OPCML: variants seen among roughly 807,000 people sequenced by gnomAD.
OPCML encodes the protein opioid binding protein/cell adhesion molecule like.
In OPCML, 13 loss-of-function variants were observed where a neutral mutation model predicts 37.8. The observed-to-expected ratio is 0.34, with a 90% CI of 0.22 to 0.55. OPCML has a LOEUF of 0.55. Among genes scored for constraint, OPCML ranks in the 20% least tolerant of loss-of-function variants. OPCML has a pLI of 0.91. For missense variants in OPCML, 341 were observed against 435.6 expected, an observed-to-expected ratio of 0.78 and a Z score of 1.93; for synonymous variants, 176 against 168.8, an observed-to-expected ratio of 1.04 and a Z score of -0.33.
At chr11:133,271,139 C>T (rs1248488409) in intron 1 of OPCML, among the ~76,000 whole-genome samples, 1 of 152,174 alleles carries the variant, frequency 6.6e-6, no homozygotes, top group Non-Finnish European at 1.5e-5. Flanking sequence ...GTTGTATACC[C>T]TTTGTGCGTC....
intron 1 of OPCML, among the ~76,000 whole-genome samples, chr11:133,122,277 C>A (rs1481193187): frequency 6.6e-6 from 1 of 152,104 alleles, no homozygotes; most frequent in Non-Finnish European, 1.5e-5. Flanking sequence ...GCTGGTTGCC[C>A]AACCTTGGGA....
chr11:133,201,895 T>G (rs138178653), intron 1 of OPCML, among the ~76,000 whole-genome samples: 89 of 152,336 alleles, frequency 5.8e-4, no homozygotes, highest in South Asian at 4.8e-3. Flanking sequence ...TTTCATGCCA[T>G]CCATTCATTC....
intron 4 of OPCML, among the ~76,000 whole-genome samples, chr11:132,480,701 T>C (rs956416140): frequency 2.0e-5 from 3 of 151,656 alleles, no homozygotes; most frequent in Non-Finnish European, 2.9e-5. Flanking sequence ...CAGAAGAGAG[T>C]GGGGACCAAT....
intron 4 of OPCML, among the ~76,000 whole-genome samples, chr11:132,488,920 G>A (rs967576203): frequency 1.3e-5 from 2 of 152,106 alleles, no homozygotes; most frequent in Non-Finnish European, 2.9e-5. Flanking sequence ...GAGCAGAAGC[G>A]ACAAGAACGA....
At chr11:133,071,763 A>AAAAC (rs561225941) in intron 1 of OPCML, among the ~76,000 whole-genome samples, 2 of 152,176 alleles carry the variant, frequency 1.3e-5, no homozygotes, top group East Asian at 3.8e-4. Context: ...GTCTTCTCCA[A>AAAAC]AAACAAACAA....
At chr11:132,767,622 G>C (rs927482707) in intron 2 of OPCML, among the ~76,000 whole-genome samples, 2 of 152,110 alleles carry the variant, frequency 1.3e-5, no homozygotes, top group African/African-American at 4.8e-5. Context: ...TTTACTAGTT[G>C]AGCCATATGC....
intron 3 of OPCML, among the ~76,000 whole-genome samples, chr11:132,586,505 T>G (rs546400705): frequency 9.8e-5 from 15 of 152,344 alleles, no homozygotes; most frequent in Admixed American, 3.9e-4. Flanking sequence ...ATATAGTGAA[T>G]GCATCCTTTT....
intron 1 of OPCML, among the ~76,000 whole-genome samples, chr11:133,477,472 C>T (rs1048190590): frequency 2.0e-5 from 3 of 152,206 alleles, no homozygotes; most frequent in African/African-American, 7.2e-5. Flanking sequence ...AAATGCACAT[C>T]ACAGCCATTC....
intron 2 of OPCML, among the ~76,000 whole-genome samples, chr11:132,708,523 A>T (rs1944129255): frequency 6.6e-6 from 1 of 152,244 alleles, no homozygotes; most frequent in African/African-American, 2.4e-5. Context: ...AGCTATAATC[A>T]AAGGGCTTCT....
At chr11:132,441,384 G>A (rs2096034530) in intron 4 of OPCML, among the ~76,000 whole-genome samples, 1 of 151,664 alleles carries the variant, frequency 6.6e-6, no homozygotes, top group Admixed American at 6.6e-5. Context: ...TAGCCGGGAT[G>A]GTCTCGATCT....
At chr11:133,081,899 T>C (rs1190426162) in intron 1 of OPCML, among the ~76,000 whole-genome samples, 1 of 150,752 alleles carries the variant, frequency 6.6e-6, no homozygotes, top group African/African-American at 2.4e-5. Context: ...CAGCGTGTGC[T>C]GTGAGGCCCT....
chr11:132,911,026 G>A (rs751834580), intron 2 of OPCML, among the ~76,000 whole-genome samples: 7 of 152,172 alleles, frequency 4.6e-5, no homozygotes, highest in African/African-American at 7.2e-5. Flanking sequence ...AACTGAGAAC[G>A]TTAAGCAACC....
At chr11:133,403,380 A>G (rs1945451297) in intron 1 of OPCML, among the ~76,000 whole-genome samples, 1 of 152,196 alleles carries the variant, frequency 6.6e-6, no homozygotes, top group South Asian at 2.1e-4. Context: ...CCATTTGATA[A>G]ATGTTTATGA....
At chr11:132,553,935 G>A (rs1189653438) in intron 3 of OPCML, among the ~76,000 whole-genome samples, 1 of 152,170 alleles carries the variant, frequency 6.6e-6, no homozygotes, top group Non-Finnish European at 1.5e-5. Flanking sequence ...ATGAGCCAAA[G>A]CCTCCTTCCC....
intron 1 of OPCML, among the ~76,000 whole-genome samples, chr11:132,984,653 A>G (rs1475164507): frequency 6.6e-6 from 1 of 152,082 alleles, no homozygotes; most frequent in African/African-American, 2.4e-5. Flanking sequence ...ACTTCCTCCC[A>G]ACCTCACACC....
In OPCML at chr11:133,173,149, T is replaced by C. The variant is rs190266978; in HGVS notation, c.62-230139A>G. Among the ~76,000 whole-genome samples the C allele has an allele frequency of 1.1e-4, 17 of 152,294 alleles. No homozygotes were observed. The highest frequency in any genetic ancestry group is 1.0e-3 in the Admixed American group (16 of 15,306). On this transcript the variant is annotated intron_variant, in intron 1 of 7. Transcript: ENST00000524381. The surrounding 1 kb of genome is among the most constrained non-coding windows in gnomAD (Gnocchi z 7.8). ...ATTTCCAACAACCACACCCATGCTTTAAAAAAATTACATGTGAGGGAATAT... is the reference window on the plus strand; with the variant it reads ...ATTTCCAACAACCACACCCATGCTTCAAAAAAATTACATGTGAGGGAATAT...
At chr11:133,388,749 C>T (rs548053154) in intron 1 of OPCML, among the ~76,000 whole-genome samples, 1 of 152,132 alleles carries the variant, frequency 6.6e-6, no homozygotes, top group South Asian at 2.1e-4. Flanking sequence ...GAGAATATCA[C>T]CTTAATTGAG....
At chr11:132,568,394 C>G (rs78733526) in intron 3 of OPCML, among the ~76,000 whole-genome samples, 2 of 152,132 alleles carry the variant, frequency 1.3e-5, no homozygotes, top group African/African-American at 2.4e-5. Flanking sequence ...AAAGTTCTCC[C>G]CAGAATTTGT....
chr11:133,375,129 G>A (rs755690881), intron 1 of OPCML, among the ~76,000 whole-genome samples: 1 of 152,078 alleles, frequency 6.6e-6, no homozygotes, highest in Non-Finnish European at 1.5e-5. Context: ...GCTCCCCACC[G>A]CATGATCCAG....
Sources: allele counts gnomAD v4.1 joint callset (sites outside exome capture counted in the v4.1 genomes callset), GRCh38; gene constraint gnomAD v4.1.1; non-coding constraint Gnocchi (gnomAD v3.1); transcripts MANE v1.5; gene names NCBI Gene and HGNC (gene_info 2026-07-23, HGNC 2026-07-21).